Variants in TRIM36 observed in about 807,000 individuals in gnomAD.
The protein encoded by TRIM36 is tripartite motif containing 36, also known as E3 ubiquitin-protein ligase TRIM36.
In TRIM36, 42 loss-of-function variants were observed where a neutral mutation model predicts 72.4. The ratio of observed to expected loss-of-function variants is 0.58; its 90% CI spans 0.45 to 0.75. The LOEUF (loss-of-function observed/expected upper bound fraction) is 0.75. Ranked by LOEUF, TRIM36 falls within the 30% of genes least tolerant of loss-of-function variation. TRIM36 has a pLI of 0.00. For missense variants in TRIM36, 913 were observed against 857.1 expected (o/e 1.07, Z -0.81); for synonymous variants, 315 against 282.8 (o/e 1.11, Z -1.14).
intron 3 of TRIM36, 135 bp downstream of exon 3, chr5:115,146,934 C>A (rs1753626186): frequency 3.1e-6 from 3 of 974,054 alleles, no homozygotes; most frequent in Non-Finnish European, 4.4e-6. Context: ...GCCTTAAGTT[C>A]TTATACCTGC....
intron 1 of TRIM36, among the ~76,000 whole-genome samples, chr5:115,165,156 A>G (rs1244874228): frequency 6.6e-6 from 1 of 152,124 alleles, no homozygotes; most frequent in Non-Finnish European, 1.5e-5. Context: ...CATGGCTGGC[A>G]TTGAGTATCT....
At chr5:115,150,352 A>C (rs1753822986) in intron 2 of TRIM36, among the ~76,000 whole-genome samples, 1 of 152,222 alleles carries the variant, frequency 6.6e-6, no homozygotes, top group South Asian at 2.1e-4. Context: ...TTTAATATTC[A>C]CTTATTTGGT....
rs1442737494 is a variant in TRIM36 at position 115,125,484 on chromosome 5, T to G, written c.*1019A>C. ...ACAGAAAATGCCACATAAGTGAACATTTAAATGTTACAAAAATTTATAATA... is the reference window on the plus strand; with the variant it reads ...ACAGAAAATGCCACATAAGTGAACAGTTAAATGTTACAAAAATTTATAATA... On this transcript the variant is annotated 3_prime_UTR_variant, in exon 10 of 10. Transcript: ENST00000513154. 1 of 152,082 alleles carries G rather than the reference T, an allele frequency of 6.6e-6. No individual in the cohort carries two copies. 9.4% of individuals were successfully genotyped at this position (152,082 alleles called of 1,614,324 possible). A position where few individuals can be genotyped will look rare whatever the true frequency, so the allele number is the denominator to read the frequency against.
At chr5:115,143,481 A>C (rs548643989) in intron 4 of TRIM36, among the ~76,000 whole-genome samples, 7 of 152,246 alleles carry the variant, frequency 4.6e-5, no homozygotes, top group African/African-American at 1.7e-4. Context: ...GGTAGCAGAG[A>C]AATATAAACT....
chr5:115,140,482 C>T (rs1753218845), intron 5 of TRIM36, among the ~76,000 whole-genome samples: 1 of 152,096 alleles, frequency 6.6e-6, no homozygotes, highest in Admixed American at 6.5e-5. Context: ...AATCTTTACC[C>T]ACACACTCAA....
rs755964000 is a variant in TRIM36, at chr5:115,169,751, A to G, written c.-117T>C. 9.1e-6 allele frequency: 13 copies of G among 1,427,734 alleles called. No homozygotes were observed. The highest frequency in any genetic ancestry group is 1.2e-5 in the Non-Finnish European group (13 of 1,081,016). 88.4% of individuals were successfully genotyped at this position (1,427,734 alleles called of 1,614,324 possible). On this transcript the variant is annotated 5_prime_UTR_variant, in exon 1 of 10. Transcript: ENST00000513154. ...TGGAGCCTCGGTCCGAAGCTGGAAG[A>G]TGAGCTGGTCAGCTGTACGTGGCCA...
intron 3 of TRIM36, 110 bp downstream of exon 3, chr5:115,146,959 C>T (rs1003225769): frequency 1.7e-6 from 2 of 1,162,244 alleles, no homozygotes; most frequent in African/African-American, 1.6e-5. Context: ...AAAGTTATTT[C>T]CTTTCTGTCA....
chr5:115,139,337 G>A (rs1753148325), intron 5 of TRIM36, among the ~76,000 whole-genome samples: 1 of 151,840 alleles, frequency 6.6e-6, no homozygotes, highest in East Asian at 1.9e-4. Flanking sequence ...TGGCCAGGCT[G>A]GTCTCGAACT....
intron 7 of TRIM36, among the ~76,000 whole-genome samples, chr5:115,136,103 A>C (rs373203980): frequency 6.6e-6 from 1 of 150,902 alleles, no homozygotes; most frequent in African/African-American, 2.4e-5. Flanking sequence ...ATCCTTCCCC[A>C]GTCCCCCAGA....
intron 2 of TRIM36, among the ~76,000 whole-genome samples, chr5:115,161,091 T>C (rs979297956): frequency 6.6e-6 from 1 of 152,172 alleles, no homozygotes; most frequent in African/African-American, 2.4e-5. Context: ...CTTTGGGTGC[T>C]CTCTCTTTGT....
In TRIM36 at chr5:115,179,214, G is replaced by C. The variant is rs74394118; in HGVS notation, c.63+761C>G. Reference sequence around the variant, plus strand: ...TAGGAGCTTCTGCCGGCAATTTCTCGGATGCAGCGCGGAGCCCAGCCTCCC... The same window carrying C: ...TAGGAGCTTCTGCCGGCAATTTCTCCGATGCAGCGCGGAGCCCAGCCTCCC... On this transcript the variant is annotated intron_variant, in intron 1 of 9. Coordinates refer to the TRIM36 transcript ENST00000282369. 2.2e-3 allele frequency among the ~76,000 whole-genome samples: 329 copies of C among 152,252 alleles called. 1 individual carries two copies. Among genetic ancestry groups the C allele is most frequent in the African/African-American group, 7.4e-3 (306 of 41,544 alleles).
chr5:115,126,488 C>T lies in TRIM36; in HGVS notation c.*15G>A. On this transcript the variant is annotated 3_prime_UTR_variant, in exon 10 of 10. Transcript: ENST00000513154. ...TGTTTACAGTTTTTATCCTGAGTCA[C>T]ATCAGATGTTTCAACTACATGTCCT... The T allele has an allele frequency of 6.3e-7, 1 of 1,592,642 alleles. No individual in the cohort carries two copies. The highest frequency in any genetic ancestry group is 8.6e-7 in the Non-Finnish European group (1 of 1,163,872).
chr5:115,132,485 A>G (rs750490237), intron 8 of TRIM36, among the ~76,000 whole-genome samples: 1 of 146,834 alleles, frequency 6.8e-6, no homozygotes, highest in Non-Finnish European at 1.5e-5. Flanking sequence ...GCAGTGAGCT[A>G]GTGAGCTGAG....
At chr5:115,127,259 T>G (rs1752405131) in intron 9 of TRIM36, among the ~76,000 whole-genome samples, 2 of 152,226 alleles carry the variant, frequency 1.3e-5, no homozygotes, top group South Asian at 2.1e-4. Context: ...CGTAAGACTA[T>G]AATGAAACTA....
intron 7 of TRIM36, among the ~76,000 whole-genome samples, chr5:115,136,454 C>A (rs948547904): frequency 6.6e-6 from 1 of 152,152 alleles, no homozygotes; most frequent in African/African-American, 2.4e-5. Context: ...TGTTTTGAGT[C>A]ACTCAGTCTA....
At position 115,143,869 on chromosome 5, in the gene TRIM36, G is replaced by T. The variant is rs150236006; in HGVS notation, c.735+729C>A. Among the ~76,000 whole-genome samples the T allele has an allele frequency of 1.7e-3, 264 of 151,238 alleles. 2 individuals are homozygous for T. The highest frequency in any genetic ancestry group is 6.2e-3 in the African/African-American group (254 of 41,248). On this transcript the variant is annotated intron_variant, in intron 4 of 9. Transcript: ENST00000513154. ...AACTAACACAAAGGAAGTAATTCAG[G>T]TTTTTTTTTGTTTGTTTTTGAGACA...
intron 1 of TRIM36, among the ~76,000 whole-genome samples, chr5:115,164,075 T>G (rs920204916): frequency 6.6e-6 from 1 of 152,190 alleles, no homozygotes; most frequent in Non-Finnish European, 1.5e-5. Flanking sequence ...GATTTAGGAC[T>G]TCGGTGAAAT....
At chr5:115,177,626 G>C in intron 1 of TRIM36, 1 of 1,533,640 alleles carries the variant, frequency 6.5e-7, no homozygotes, top group Non-Finnish European at 8.8e-7. Flanking sequence ...CTGGGGCTGC[G>C]GGGCGGGGCA....
intron 1 of TRIM36, among the ~76,000 whole-genome samples, chr5:115,165,444 C>T (rs1458678891): frequency 6.6e-6 from 1 of 152,230 alleles, no homozygotes; most frequent in Admixed American, 6.5e-5. Flanking sequence ...GACTTTTGTG[C>T]ACTGGTAGGC....
Sources: allele counts gnomAD v4.1 joint callset (sites outside exome capture counted in the v4.1 genomes callset), GRCh38; gene constraint gnomAD v4.1.1; transcripts MANE v1.5; gene names NCBI Gene and HGNC (gene_info 2026-07-23, HGNC 2026-07-21).